Variants in GUCY1A1 observed in about 807,000 individuals in gnomAD.
The protein encoded by GUCY1A1 is guanylate cyclase soluble subunit alpha-1.
A neutral mutation model predicts 64.5 loss-of-function variants in GUCY1A1; 48 were observed. The observed-to-expected ratio is 0.74, with a 90% CI of 0.59 to 0.95. GUCY1A1 has a LOEUF of 0.95. Ranked by LOEUF, GUCY1A1 falls within the 40% of genes least tolerant of loss-of-function variation. GUCY1A1 has a pLI of 0.00. For synonymous variants in GUCY1A1, 308 were observed against 303.4 expected (o/e 1.02, Z -0.16); for missense variants, 804 against 825.3 (o/e 0.97, Z 0.32).
At position 155,716,868 on chromosome 4, in the gene GUCY1A1, AAG is replaced by A. The variant is rs1733307650; in HGVS notation, c.1573-287_1573-286del. 2.0e-5 allele frequency among the ~76,000 whole-genome samples: 3 copies of A among 152,188 alleles called. No individual in the cohort carries two copies. In the South Asian group the frequency reaches 6.2e-4, roughly 32 times the overall value. ...AAAACTATCTTATATGGTGAAAAAA[AAG>A]AGATGAAATGATATGATGAGTCAGT... On this transcript the variant is annotated intron_variant, in intron 7 of 9. Transcript: ENST00000506455.
chr4:155,710,450 A>T, intron 5 of GUCY1A1, 92 bp from the exon 6 acceptor site: 2 of 779,176 alleles, frequency 2.6e-6, no homozygotes, highest in Non-Finnish European at 2.1e-6. Flanking sequence ...GAGCTAAATC[A>T]GCAAATAACG....
rs1485570196 is a variant in GUCY1A1, at chr4:155,722,152, A to G, written c.1831A>G (p.Ser611Gly). 6.2e-7 allele frequency: 1 copy of G among 1,613,072 alleles called. No individual in the cohort carries two copies. The highest frequency in any genetic ancestry group is 2.2e-5 in the East Asian group (1 of 44,852). The change falls in exon 9 of 10, where the codon AGT (serine) becomes GGT (glycine). Residue 611 changes from serine to glycine, a missense_variant. By Grantham distance (56) the Ser-to-Gly change is moderately conservative (BLOSUM62 0). Transcript: ENST00000506455. ...VTLANKFESC[S>G]VPRKINVSPT... ...TCTGGCTAACAAATTTGAGTCCTGCAGTGTACCACGAAAAATCAATGTCAG... is the reference window on the plus strand; with the variant it reads ...TCTGGCTAACAAATTTGAGTCCTGCGGTGTACCACGAAAAATCAATGTCAG...
In GUCY1A1 at chr4:155,729,756, A is replaced by T. The variant is rs534782626; in HGVS notation, c.1872-274A>T. Among the ~76,000 whole-genome samples the T allele has an allele frequency of 5.9e-4, 90 of 151,980 alleles. 1 individual carries two copies. The highest frequency in any genetic ancestry group is 2.0e-3 in the African/African-American group (84 of 41,510). On this transcript the variant is annotated intron_variant, in intron 9 of 9. Coordinates refer to ENST00000506455, the MANE Select transcript of GUCY1A1 (RefSeq NM_001130682.3). ...TTGGATTATTTTTTCACTACTGCAA[A>T]TTGCACTGTTGTGTGGATATTATTT...
chr4:155,700,621 T>G (rs181036111), intron 3 of GUCY1A1, among the ~76,000 whole-genome samples: 5 of 152,274 alleles, frequency 3.3e-5, no homozygotes, highest in African/African-American at 1.2e-4. Context: ...AGATAATTGT[T>G]TAGTCAAGAG....
chr4:155,673,588 C>A (rs1287728880), intron 2 of GUCY1A1, among the ~76,000 whole-genome samples: 1 of 151,210 alleles, frequency 6.6e-6, no homozygotes, highest in African/African-American at 2.5e-5. Flanking sequence ...GTATTCTAGA[C>A]AGAGGAAAGG....
chr4:155,690,438 A>AT (rs1729584595), intron 2 of GUCY1A1, among the ~76,000 whole-genome samples: 1 of 152,172 alleles, frequency 6.6e-6, no homozygotes, highest in Non-Finnish European at 1.5e-5. Flanking sequence ...TCTTCTAAAA[A>AT]TGCAGTCTAA....
intron 2 of GUCY1A1, among the ~76,000 whole-genome samples, chr4:155,689,100 C>T (rs548577343): frequency 6.7e-6 from 1 of 150,046 alleles, no homozygotes; most frequent in East Asian, 1.9e-4. Flanking sequence ...ATTTCCCTAG[C>T]GATAGATGTG....
chr4:155,680,762 A>G (rs970697015), intron 2 of GUCY1A1, among the ~76,000 whole-genome samples: 3 of 152,178 alleles, frequency 2.0e-5, no homozygotes, highest in African/African-American at 7.2e-5. Flanking sequence ...GTGGGTCATT[A>G]TAAAAAATCT....
rs2110873072 is a variant in GUCY1A1, at chr4:155,736,194, T to C, written c.*5963T>C. 6.6e-6 allele frequency: 1 copy of C among 152,072 alleles called. No individual in the cohort carries two copies. The highest frequency in any genetic ancestry group is 1.9e-4 in the East Asian group (1 of 5,154). 9.4% of individuals were successfully genotyped at this position (152,072 alleles called of 1,614,324 possible). ...TACATGCTGCTCTCAATCCATATAC[T>C]ACATATTAGGACAGCTTTTCTTTTC... On this transcript the variant is annotated 3_prime_UTR_variant, in exon 10 of 10. Transcript: ENST00000506455.
intron 2 of GUCY1A1, among the ~76,000 whole-genome samples, chr4:155,678,090 GAACA>G (rs1735207357): frequency 2.0e-5 from 3 of 151,948 alleles, no homozygotes; most frequent in Non-Finnish European, 4.4e-5. Flanking sequence ...AGAGTTCTGA[GAACA>G]AACTGCGTTA....
intron 6 of GUCY1A1, among the ~76,000 whole-genome samples, chr4:155,712,218 A>G (rs1415736584): frequency 6.6e-6 from 1 of 151,928 alleles, no homozygotes; most frequent in Non-Finnish European, 1.5e-5. Context: ...GCAACCTCCA[A>G]CTCCGGGGTT....
rs1010803992 is a variant in GUCY1A1, at chr4:155,733,193, C to G, written c.*2962C>G. Among the ~76,000 whole-genome samples, 2 of 151,710 alleles carry G rather than the reference C, an allele frequency of 1.3e-5. No homozygotes were observed. The highest frequency in any genetic ancestry group is 2.9e-5 in the Non-Finnish European group (2 of 67,840). On this transcript the variant is annotated 3_prime_UTR_variant, in exon 10 of 10. Transcript: ENST00000506455. ...ATTTAAGGATAAAATATGGCCCAATCTATCAAGAAAGGAAAGTGAAAGACA... is the reference window on the plus strand; with the variant it reads ...ATTTAAGGATAAAATATGGCCCAATGTATCAAGAAAGGAAAGTGAAAGACA...
intron 4 of GUCY1A1, among the ~76,000 whole-genome samples, chr4:155,705,080 T>C (rs28378404): frequency 0.98 from 148,586 of 152,206 alleles, 72,559 homozygotes; most frequent in East Asian, 1. Context: ...TTTGTAGAGA[T>C]GGGGTTTCAC....
At chr4:155,687,646 A>C (rs1002619885) in intron 2 of GUCY1A1, among the ~76,000 whole-genome samples, 2 of 152,092 alleles carry the variant, frequency 1.3e-5, no homozygotes, top group African/African-American at 4.8e-5. Context: ...CACATTTATG[A>C]GATAGTTGCT....
intron 9 of GUCY1A1, among the ~76,000 whole-genome samples, chr4:155,728,882 ACTGT>A (rs2110744649): frequency 6.6e-6 from 1 of 152,002 alleles, no homozygotes. Context: ...TACTTTTAAT[ACTGT>A]CTAATTCTAT....
chr4:155,690,048 C>T (rs1228547073), intron 2 of GUCY1A1, among the ~76,000 whole-genome samples: 1 of 152,114 alleles, frequency 6.6e-6, no homozygotes, highest in Admixed American at 6.6e-5. Flanking sequence ...GGAGAAATTG[C>T]TTCCCAAAAT....
At chr4:155,705,676 C>A (rs1731665435) in intron 4 of GUCY1A1, among the ~76,000 whole-genome samples, 1 of 152,046 alleles carries the variant, frequency 6.6e-6, no homozygotes, top group Non-Finnish European at 1.5e-5. Context: ...TACAAACCAG[C>A]ACTATTGTCA....
rs1180019487 is a variant in GUCY1A1 at position 155,734,840 on chromosome 4, G to A, written c.*4609G>A. 1 of 151,920 alleles carries A rather than the reference G, an allele frequency of 6.6e-6. No individual in the cohort carries two copies. 9.4% of individuals were successfully genotyped at this position (151,920 alleles called of 1,614,324 possible). A position where few individuals can be genotyped will look rare whatever the true frequency, so the allele number is the denominator to read the frequency against. On this transcript the variant is annotated 3_prime_UTR_variant, in exon 10 of 10. Coordinates refer to ENST00000506455, the MANE Select transcript of GUCY1A1 (RefSeq NM_001130682.3). ...ACCAAAATTGAGTGTTAGAGTTTATGGTCTCTGTTATGATACTTTTCAAGA... is the reference window on the plus strand; with the variant it reads ...ACCAAAATTGAGTGTTAGAGTTTATAGTCTCTGTTATGATACTTTTCAAGA...
chr4:155,721,960 G>T, intron 8 of GUCY1A1, 78 bp from the exon 9 acceptor site: 1 of 989,118 alleles, frequency 1.0e-6, no homozygotes, highest in Non-Finnish European at 1.6e-6. Context: ...AAATAATTTA[G>T]ACGGTATTCA....
Sources: allele counts gnomAD v4.1 joint callset (sites outside exome capture counted in the v4.1 genomes callset), GRCh38; gene constraint gnomAD v4.1.1; transcripts MANE v1.5; gene names NCBI Gene and HGNC (gene_info 2026-07-23, HGNC 2026-07-21).